Variants in KLHL14 observed in about 807,000 individuals in gnomAD.
The protein encoded by KLHL14 is kelch-like protein 14.
Under a neutral mutation model 64.3 loss-of-function variants are expected in KLHL14, and 22 were observed. The ratio of observed to expected loss-of-function variants is 0.34; its 90% CI spans 0.24 to 0.49. The LOEUF (loss-of-function observed/expected upper bound fraction) is 0.49. Ranked by LOEUF, KLHL14 falls within the 20% of genes least tolerant of loss-of-function variation. KLHL14 has a pLI of 0.99. For missense variants in KLHL14, 661 were observed against 789.0 expected (o/e 0.84, Z 1.94); for synonymous variants, 322 against 333.4 (o/e 0.97, Z 0.37).
rs1407741728 is a variant in KLHL14 at position 32,770,833 on chromosome 18, C to T, written c.-43-199G>A. The T allele has an allele frequency of 4.1e-6, 2 of 486,200 alleles. No homozygotes were observed. Among genetic ancestry groups the T allele is most frequent in the Non-Finnish European group, 7.3e-6 (2 of 274,084 alleles). The allele number at this position is 486,200 out of a possible 1,614,324, so 30.1% of individuals were successfully genotyped here. A position where few individuals can be genotyped will look rare whatever the true frequency, so the allele number is the denominator to read the frequency against. On this transcript the variant is annotated intron_variant, in intron 1 of 8. Coordinates refer to ENST00000359358, the MANE Select transcript of KLHL14 (RefSeq NM_020805.3). This position sits in a 1 kb window ranked among gnomAD's most constrained non-coding sequence, Gnocchi z 6.7. ...AAGACGCTGGATCCGTGAGCGCCAC[C>T]AGAAGGGCCCTGTCTGGGGTCCCGG...
In KLHL14 at chr18:32,769,866, G is replaced by A. The variant is rs751528971; in HGVS notation, c.726C>T (p.Ser242=). 9.3e-6 allele frequency: 15 copies of A among 1,613,866 alleles called. No homozygotes were observed. Among genetic ancestry groups the A allele is most frequent in the African/African-American group, 1.3e-5 (1 of 74,938 alleles). Residue 242 remains serine (S), a synonymous_variant, in exon 2 of 9, where the codon TCC becomes TCT. Coordinates refer to ENST00000359358, the MANE Select transcript of KLHL14 (RefSeq NM_020805.3). The stretch of plus-strand genomic sequence containing the variant: ...CGCGGTCGTGCTCCAGCCACAGCAC[G>A]GACATCTGGAAGAGCGCCAGCTCCG... ...VESELALFQM[S]VLWLEHDRET...
chr18:32,708,134 T>A (rs2049999620), intron 3 of KLHL14, among the ~76,000 whole-genome samples: 1 of 152,170 alleles, frequency 6.6e-6, no homozygotes, highest in Non-Finnish European at 1.5e-5. Context: ...ATAAACTGAT[T>A]ATGGATGGAT....
intron 7 of KLHL14, among the ~76,000 whole-genome samples, chr18:32,678,491 C>T (rs1243905453): frequency 6.6e-6 from 1 of 152,114 alleles, no homozygotes; most frequent in Non-Finnish European, 1.5e-5. Context: ...CACTGCAACA[C>T]CAGAGTATAT....
At chr18:32,734,335 A>G (rs2050152281) in intron 3 of KLHL14, 11 of 676,328 alleles carry the variant, frequency 1.6e-5, no homozygotes, top group Non-Finnish European at 2.4e-5. Flanking sequence ...ATGGAGATGC[A>G]TGTCAAGATG....
chr18:32,763,109 T>C (rs2050322917), intron 2 of KLHL14, among the ~76,000 whole-genome samples: 1 of 44,610 alleles, frequency 2.2e-5, no homozygotes, highest in Non-Finnish European at 6.3e-5. Flanking sequence ...AGCTTCAAGG[T>C]TTTTTTTTTT....
intron 3 of KLHL14, among the ~76,000 whole-genome samples, chr18:32,720,308 T>G (rs1360385377): frequency 1.3e-5 from 2 of 152,044 alleles, no homozygotes; most frequent in African/African-American, 4.8e-5. Context: ...AGGAAATGGA[T>G]GAGAATGGAA....
intron 2 of KLHL14, among the ~76,000 whole-genome samples, chr18:32,768,286 GC>G (rs1225598107): frequency 6.6e-6 from 1 of 151,960 alleles, no homozygotes; most frequent in Non-Finnish European, 1.5e-5. Flanking sequence ...GATTTCTCAT[GC>G]CTCCTGTTGG....
At chr18:32,726,453 G>A (rs2050108594) in intron 3 of KLHL14, among the ~76,000 whole-genome samples, 3 of 151,900 alleles carry the variant, frequency 2.0e-5, no homozygotes, top group East Asian at 1.9e-4. Flanking sequence ...TTGAAACCCC[G>A]TCTCTACTAA....
chr18:32,724,885 G>A (rs780853790), intron 3 of KLHL14, among the ~76,000 whole-genome samples: 12 of 151,974 alleles, frequency 7.9e-5, no homozygotes, highest in East Asian at 5.8e-4. Flanking sequence ...AGCTAGTTAC[G>A]TCTGCCTTAT....
At chr18:32,695,674 G>C in intron 3 of KLHL14, 122 bp from the exon 4 acceptor site, 2 of 657,722 alleles carry the variant, frequency 3.0e-6, no homozygotes, top group South Asian at 3.8e-5. Flanking sequence ...AGAGGAAGAA[G>C]ATTGAACAGG....
chr18:32,741,930 G>T lies in KLHL14; in HGVS notation c.1067C>A (p.Thr356Lys). The T allele has an allele frequency of 6.3e-7, 1 of 1,599,358 alleles. No homozygotes were observed. Among genetic ancestry groups the T allele is most frequent in the Non-Finnish European group, 8.5e-7 (1 of 1,175,094 alleles). Residue 356 changes from threonine to lysine, a missense_variant and splice_region_variant, in exon 3 of 9, where the codon ACA (threonine) becomes AAA (lysine). Coordinates refer to ENST00000359358, the MANE Select transcript of KLHL14 (RefSeq NM_020805.3). ...AAATAAATAAATAATGCACTCACTT[G>T]TGAGTATTTTCCATGTCTTCTTTTC... is the stretch of plus-strand genomic sequence containing the variant. ...DDEKKTWKILTIMPYNSAHHC... is the reference protein window; with the variant it reads ...DDEKKTWKILKIMPYNSAHHC...
intron 3 of KLHL14, among the ~76,000 whole-genome samples, chr18:32,697,309 T>C (rs762922210): frequency 7.2e-5 from 11 of 152,190 alleles, no homozygotes; most frequent in East Asian, 1.9e-4. Context: ...GGTTCCAAAA[T>C]ACCAAAAACA....
chr18:32,751,210 C>G (rs969965775), intron 2 of KLHL14, among the ~76,000 whole-genome samples: 2 of 152,162 alleles, frequency 1.3e-5, no homozygotes, highest in African/African-American at 4.8e-5. Context: ...GTACCCAAAA[C>G]TGCCCTAAGG....
chr18:32,729,122 A>G (rs1320847428), intron 3 of KLHL14, among the ~76,000 whole-genome samples: 1 of 152,182 alleles, frequency 6.6e-6, no homozygotes, highest in African/African-American at 2.4e-5. Context: ...AGAAGCCAAA[A>G]GATGAAATCT....
chr18:32,715,433 A>G (rs9952882), intron 3 of KLHL14, among the ~76,000 whole-genome samples: 43,652 of 152,018 alleles, frequency 0.29, 6,469 homozygotes, highest in Middle Eastern at 0.34. Flanking sequence ...AGAGAAGTTA[A>G]AAGAGAAAGT....
intron 2 of KLHL14, 29 bp from the exon 3 acceptor site, chr18:32,742,078 T>C (rs767235861): frequency 3.1e-5 from 50 of 1,608,922 alleles, no homozygotes; most frequent in Non-Finnish European, 3.9e-5. Flanking sequence ...AGGAGATGAA[T>C]AACCACATTA....
intron 3 of KLHL14, among the ~76,000 whole-genome samples, chr18:32,734,884 C>CTGTGTGTG (rs34494954): frequency 1.9e-3 from 289 of 150,804 alleles, no homozygotes; most frequent in African/African-American, 6.5e-3. Context: ...AGATGTTACT[C>CTGTGTGTG]TGTGTGTGTG....
intron 3 of KLHL14, among the ~76,000 whole-genome samples, chr18:32,710,390 T>A (rs959337642): frequency 2.6e-5 from 4 of 152,242 alleles, no homozygotes; most frequent in African/African-American, 9.6e-5. Flanking sequence ...TGATGATATC[T>A]GGACATGTGG....
chr18:32,710,312 T>C (rs1471747805), intron 3 of KLHL14, among the ~76,000 whole-genome samples: 1 of 152,212 alleles, frequency 6.6e-6, no homozygotes, highest in African/African-American at 2.4e-5. Context: ...AGTATGGATT[T>C]ACTACAGAAC....
Sources: allele counts gnomAD v4.1 joint callset (sites outside exome capture counted in the v4.1 genomes callset), GRCh38; gene constraint gnomAD v4.1.1; non-coding constraint Gnocchi (gnomAD v3.1); transcripts MANE v1.5; gene names NCBI Gene and HGNC (gene_info 2026-07-23, HGNC 2026-07-21).